TANC2: variants seen among roughly 807,000 people sequenced by gnomAD.
TANC2 encodes protein TANC2.
A neutral mutation model predicts 210.5 loss-of-function variants in TANC2; 26 were observed. The ratio of observed to expected loss-of-function variants is 0.12; its 90% confidence interval spans 0.09 to 0.17. The LOEUF is 0.17. Among genes scored for constraint, TANC2 ranks in the 10% least tolerant of loss-of-function variants. The probability of loss-of-function intolerance (pLI) is 1.00; values close to 1 mark genes in which losing one functional copy is unlikely to be tolerated. For synonymous variants in TANC2, 931 were observed against 967.1 expected, an observed-to-expected ratio of 0.96 and a Z score of 0.69; for missense variants, 2,129 against 2,608.9, an observed-to-expected ratio of 0.82 and a Z score of 4.01.
chr17:63,304,659 C>T (rs1054368088), intron 9 of TANC2, among the ~76,000 whole-genome samples: 3 of 152,168 alleles, frequency 2.0e-5, no homozygotes, highest in African/African-American at 7.2e-5. Flanking sequence ...TCTGGGCTCC[C>T]TGGATTCCTC....
In TANC2 at chr17:63,238,085, TTTGTTGTTGTTG is replaced by T. The variant is rs565306580; in HGVS notation, c.1033+18_1033+29del. 2 of 1,527,872 alleles carry T rather than the reference TTTGTTGTTGTTG, an allele frequency of 1.3e-6. No homozygotes were observed. Among genetic ancestry groups the T allele is most frequent in the Non-Finnish European group, 1.8e-6 (2 of 1,137,196 alleles). 94.6% of individuals were successfully genotyped at this position (1,527,872 alleles called of 1,614,324 possible). ...GGCCAAATTCAGTAGCAGGTAAGTT[TTTGTTGTTGTTG>T]TTGTTGTTGCTGTTGTTAAATAATC... On this transcript the variant is annotated intron_variant, in intron 8 of 27. Transcript: ENST00000689528.
At chr17:63,276,305 A>G (rs2043870994) in intron 9 of TANC2, among the ~76,000 whole-genome samples, 1 of 152,102 alleles carries the variant, frequency 6.6e-6, no homozygotes, top group Non-Finnish European at 1.5e-5. Context: ...GTTGTATATC[A>G]CCTTAAAAGC....
intron 14 of TANC2, among the ~76,000 whole-genome samples, chr17:63,370,745 C>G (rs981851883): frequency 7.2e-5 from 11 of 152,194 alleles, no homozygotes; most frequent in Non-Finnish European, 1.5e-4. Flanking sequence ...CACACTGCTT[C>G]CCAGCGTAAT....
At chr17:63,241,118 GTCT>G (rs1300290905) in intron 8 of TANC2, among the ~76,000 whole-genome samples, 1 of 152,134 alleles carries the variant, frequency 6.6e-6, no homozygotes, top group East Asian at 1.9e-4. Context: ...ATAGAATATA[GTCT>G]TCTCATAGGA....
chr17:63,009,939 A>G (rs1250245823), intron 2 of TANC2, among the ~76,000 whole-genome samples: 4 of 152,178 alleles, frequency 2.6e-5, no homozygotes, highest in Non-Finnish European at 1.5e-5. Context: ...AACAAATGAA[A>G]TTATTGCAAT....
intron 26 of TANC2, among the ~76,000 whole-genome samples, chr17:63,417,366 A>G (rs1052894216): frequency 6.6e-5 from 10 of 152,144 alleles, no homozygotes; most frequent in Non-Finnish European, 1.0e-4. Context: ...CTTCTCTTTT[A>G]GCTTAGTATT....
intron 8 of TANC2, among the ~76,000 whole-genome samples, chr17:63,266,156 G>A (rs369457235): frequency 6.6e-6 from 1 of 152,232 alleles, no homozygotes; most frequent in East Asian, 1.9e-4. Flanking sequence ...TTGCACAGGT[G>A]TTGGATGGGA....
chr17:63,350,876 GA>G (rs374621938), intron 12 of TANC2, among the ~76,000 whole-genome samples: 64,787 of 121,222 alleles, frequency 0.53, 16,175 homozygotes, highest in African/African-American at 0.69. Context: ...GTCAGATAGG[GA>G]AAAAAAAAAA....
intron 7 of TANC2, among the ~76,000 whole-genome samples, chr17:63,223,420 A>G (rs957227615): frequency 1.3e-5 from 2 of 152,198 alleles, no homozygotes; most frequent in African/African-American, 4.8e-5. Context: ...CCAGAGGAGC[A>G]GAGTACAGCA....
chr17:63,124,224 A>T (rs1030887607), intron 4 of TANC2, among the ~76,000 whole-genome samples: 6 of 151,966 alleles, frequency 3.9e-5, no homozygotes, highest in Non-Finnish European at 7.4e-5. Flanking sequence ...CCTCTCTCTA[A>T]CTTCAGTATC....
At chr17:63,264,614 G>A (rs189070685) in intron 8 of TANC2, among the ~76,000 whole-genome samples, 2 of 152,176 alleles carry the variant, frequency 1.3e-5, no homozygotes, top group African/African-American at 4.8e-5. Context: ...TGGGGAGATG[G>A]TATAAAGTTA....
intron 14 of TANC2, among the ~76,000 whole-genome samples, chr17:63,375,818 A>C (rs2047406383): frequency 6.6e-6 from 1 of 152,210 alleles, no homozygotes; most frequent in African/African-American, 2.4e-5. Flanking sequence ...GGCTGGGTGC[A>C]GTGGCTCATG....
At chr17:63,142,646 G>A (rs1294776852) in intron 4 of TANC2, among the ~76,000 whole-genome samples, 2 of 151,820 alleles carry the variant, frequency 1.3e-5, no homozygotes, top group Non-Finnish European at 2.9e-5. Context: ...TGCCTGATTT[G>A]GGGTTTAATT....
intron 12 of TANC2, among the ~76,000 whole-genome samples, chr17:63,349,930 G>A (rs185168548): frequency 7.7e-4 from 117 of 152,154 alleles, no homozygotes; most frequent in African/African-American, 2.5e-3. Context: ...CACTCCATTA[G>A]TAGTGATTGT....
At chr17:63,019,896 AT>A (rs2034274768) in intron 2 of TANC2, among the ~76,000 whole-genome samples, 1 of 152,060 alleles carries the variant, frequency 6.6e-6, no homozygotes, top group Admixed American at 6.5e-5. Flanking sequence ...TTGAAAATAT[AT>A]TCTCCCAGTC....
At chr17:63,304,390 G>T (rs2044827610) in intron 9 of TANC2, among the ~76,000 whole-genome samples, 1 of 152,128 alleles carries the variant, frequency 6.6e-6, no homozygotes, top group South Asian at 2.1e-4. Context: ...TATTCATCTG[G>T]TTCACTCCTG....
intron 2 of TANC2, among the ~76,000 whole-genome samples, chr17:63,010,865 T>C (rs1035493446): frequency 6.6e-6 from 1 of 152,142 alleles, no homozygotes; most frequent in Non-Finnish European, 1.5e-5. Flanking sequence ...ATGCCCTTTT[T>C]GGGTATGCCG....
At chr17:63,103,151 A>G (rs1444019312) in intron 4 of TANC2, among the ~76,000 whole-genome samples, 1 of 152,088 alleles carries the variant, frequency 6.6e-6, no homozygotes, top group Non-Finnish European at 1.5e-5. Context: ...CATTGTCTCC[A>G]CTTCTAATAA....
intron 1 of TANC2, chr17:62,967,673 A>C (rs994017735): frequency 6.6e-6 from 1 of 152,184 alleles, no homozygotes; most frequent in Non-Finnish European, 1.5e-5. Flanking sequence ...ACACAGGTGA[A>C]AATATCTGTA....
Sources: allele counts gnomAD v4.1 joint callset (sites outside exome capture counted in the v4.1 genomes callset), GRCh38; gene constraint gnomAD v4.1.1; transcripts MANE v1.5; gene names NCBI Gene and HGNC (gene_info 2026-07-23, HGNC 2026-07-21).